BMAL1: variants seen among roughly 807,000 people sequenced by gnomAD.
BMAL1 encodes the protein basic helix-loop-helix ARNT like 1.
chr11:13,376,196 G>A, the BMAL1 span, among the ~76,000 whole-genome samples: 1 of 152,204 alleles, frequency 6.6e-6, no homozygotes, highest in Non-Finnish European at 1.5e-5. Context: ...CAGCTGGAAT[G>A]CCATCTCAAA....
At chr11:13,354,805 A>G in the BMAL1 span, among the ~76,000 whole-genome samples, 23 of 152,180 alleles carry the variant, frequency 1.5e-4, no homozygotes, top group Non-Finnish European at 2.9e-4. Flanking sequence ...AGGGGGTTCA[A>G]AGAGAGCTTT....
At chr11:13,352,773 A>G in the BMAL1 span, among the ~76,000 whole-genome samples, 2 of 152,236 alleles carry the variant, frequency 1.3e-5, no homozygotes, top group African/African-American at 2.4e-5. Flanking sequence ...CCTAACAGTG[A>G]TAGTGGGAAA....
chr11:13,366,935 A>G, the BMAL1 span, among the ~76,000 whole-genome samples: 1 of 152,336 alleles, frequency 6.6e-6, no homozygotes, highest in South Asian at 2.1e-4. Context: ...CTTTGGCTAA[A>G]TGGAATTATT....
At chr11:13,376,715 G>T in the BMAL1 span, 2 of 1,613,778 alleles carry the variant, frequency 1.2e-6, no homozygotes, top group Non-Finnish European at 1.7e-6. Context: ...ACAGCATGCT[G>T]CCCTCTGGAG....
At chr11:13,288,086 A>T in the BMAL1 span, among the ~76,000 whole-genome samples, 9 of 152,358 alleles carry the variant, frequency 5.9e-5, no homozygotes, top group East Asian at 1.3e-3. Context: ...ATTTCCAGGA[A>T]GTGGCTGAGC....
the BMAL1 span, among the ~76,000 whole-genome samples, chr11:13,322,403 C>G: frequency 6.6e-6 from 1 of 152,242 alleles, no homozygotes; most frequent in Non-Finnish European, 1.5e-5. Flanking sequence ...AGATACTCTT[C>G]TACCCCATTG....
the BMAL1 span, chr11:13,381,039 T>TA: frequency 1.1e-6 from 1 of 901,694 alleles, no homozygotes; most frequent in East Asian, 2.5e-5. Flanking sequence ...TCTGGCCCCT[T>TA]ACAGAAAAAG....
the BMAL1 span, among the ~76,000 whole-genome samples, chr11:13,302,255 G>T: frequency 6.6e-6 from 1 of 152,194 alleles, no homozygotes; most frequent in Admixed American, 6.5e-5. Context: ...GGAGAAAGCT[G>T]TGAGGGCCTC....
chr11:13,353,983 A>G, the BMAL1 span, among the ~76,000 whole-genome samples: 6 of 151,984 alleles, frequency 3.9e-5, no homozygotes, highest in African/African-American at 1.2e-4. Context: ...TTCTGGTTTA[A>G]TTTTTCCACG....
At chr11:13,301,814 A>G in the BMAL1 span, among the ~76,000 whole-genome samples, 1 of 152,206 alleles carries the variant, frequency 6.6e-6, no homozygotes, top group Non-Finnish European at 1.5e-5. Flanking sequence ...CATGCAATGA[A>G]CCAAATGAGG....
chr11:13,358,698 G>A, the BMAL1 span: 1 of 1,177,620 alleles, frequency 8.5e-7, no homozygotes, highest in Non-Finnish European at 1.1e-6. Context: ...TTGCAATTAT[G>A]TAGCCTTCAG....
At chr11:13,349,750 A>G in the BMAL1 span, among the ~76,000 whole-genome samples, 6 of 152,178 alleles carry the variant, frequency 3.9e-5, no homozygotes, top group Non-Finnish European at 7.3e-5. Context: ...TAGCTTTAAC[A>G]AGGAGCTGAA....
chr11:13,365,350 T>C, the BMAL1 span: 2 of 572,042 alleles, frequency 3.5e-6, no homozygotes, highest in South Asian at 2.2e-5. Context: ...GACGTTTGTT[T>C]TCAGCATCCT....
the BMAL1 span, among the ~76,000 whole-genome samples, chr11:13,364,519 G>C: frequency 1.3e-5 from 2 of 152,190 alleles, no homozygotes; most frequent in Non-Finnish European, 2.9e-5. Context: ...AATAAGGTGA[G>C]AAACTAGTCC....
chr11:13,355,501 C>T, the BMAL1 span, among the ~76,000 whole-genome samples: 1 of 152,182 alleles, frequency 6.6e-6, no homozygotes, highest in African/African-American at 2.4e-5. Flanking sequence ...GGGTTCCAGC[C>T]TGGTCACCAC....
the BMAL1 span, among the ~76,000 whole-genome samples, chr11:13,354,108 C>CA: frequency 6.6e-6 from 1 of 152,136 alleles, no homozygotes; most frequent in African/African-American, 2.4e-5. Flanking sequence ...AAATATGATG[C>CA]TCTTTCCATT....
At chr11:13,376,537 C>G in the BMAL1 span, 1 of 1,060,224 alleles carries the variant, frequency 9.4e-7, no homozygotes, top group Non-Finnish European at 1.5e-6. Context: ...ATTTTCTGGC[C>G]TGTCCAGGTC....
chr11:13,384,122 G>A, the BMAL1 span, among the ~76,000 whole-genome samples: 1 of 151,038 alleles, frequency 6.6e-6, no homozygotes, highest in Non-Finnish European at 1.5e-5. Context: ...CTTTTTTTTT[G>A]GAAATGAATG....
At chr11:13,366,676 T>A in the BMAL1 span, 3 of 1,613,668 alleles carry the variant, frequency 1.9e-6, no homozygotes, top group Admixed American at 5.0e-5. Flanking sequence ...ATGATCTGAT[T>A]GGTCAGAGTT....
Sources: allele counts gnomAD v4.1 joint callset (sites outside exome capture counted in the v4.1 genomes callset), GRCh38; gene constraint gnomAD v4.1.1; transcripts MANE v1.5; gene names NCBI Gene and HGNC (gene_info 2026-07-23, HGNC 2026-07-21).